Variants in PGBD5 observed in about 807,000 individuals in gnomAD.
The protein encoded by PGBD5 is piggyBac transposable element derived 5.
Under a neutral mutation model 47.9 loss-of-function variants are expected in PGBD5, and 14 were observed. The observed-to-expected ratio is 0.29, with a 90% CI of 0.19 to 0.46. The LOEUF (loss-of-function observed/expected upper bound fraction) is 0.46, where lower values mean the gene tolerates loss of function less well. PGBD5 is among the 20% of genes least tolerant of loss of function. The pLI, the probability that PGBD5 is intolerant of heterozygous loss-of-function variation, is 1.00. For synonymous variants in PGBD5, 316 were observed against 306.3 expected, an observed-to-expected ratio of 1.03 and a Z score of -0.33; for missense variants, 635 against 716.0, an observed-to-expected ratio of 0.89 and a Z score of 1.29.
At chr1:230,359,499 T>TATG (rs1357832228) in intron 1 of PGBD5, among the ~76,000 whole-genome samples, 2 of 152,230 alleles carry the variant, frequency 1.3e-5, no homozygotes, top group Non-Finnish European at 2.9e-5. Flanking sequence ...AGATAATGTG[T>TATG]ATGAGACAGC....
chr1:230,346,900 T>G (rs1181819258), intron 3 of PGBD5, among the ~76,000 whole-genome samples: 1 of 152,132 alleles, frequency 6.6e-6, no homozygotes, highest in Non-Finnish European at 1.5e-5. Context: ...GGGCCAAGCA[T>G]GAAGCTCACT....
At chr1:230,370,865 C>A (rs1489114437) in intron 1 of PGBD5, among the ~76,000 whole-genome samples, 2 of 152,184 alleles carry the variant, frequency 1.3e-5, no homozygotes, top group African/African-American at 4.8e-5. Context: ...CGAAGCTGCC[C>A]GTCTGTGATC....
At chr1:230,327,869 C>T (rs1667147779) in intron 5 of PGBD5, among the ~76,000 whole-genome samples, 1 of 152,218 alleles carries the variant, frequency 6.6e-6, no homozygotes, top group Non-Finnish European at 1.5e-5. Flanking sequence ...ACACTTGGGG[C>T]CACAGCATGT....
At chr1:230,413,348 C>G (rs570271095) in intron 1 of PGBD5, among the ~76,000 whole-genome samples, 1 of 152,028 alleles carries the variant, frequency 6.6e-6, no homozygotes, top group East Asian at 1.9e-4. Flanking sequence ...GAATTTCGAG[C>G]AAAAAATTAG....
At chr1:230,397,999 G>C (rs1657041878) in intron 1 of PGBD5, among the ~76,000 whole-genome samples, 1 of 152,150 alleles carries the variant, frequency 6.6e-6, no homozygotes, top group South Asian at 2.1e-4. Context: ...AGATCTGCAA[G>C]GCCAGATTTA....
chr1:230,416,834 G>A (rs1343483009), intron 1 of PGBD5, among the ~76,000 whole-genome samples: 1 of 152,216 alleles, frequency 6.6e-6, no homozygotes, highest in Admixed American at 6.5e-5. Context: ...ACTTGTGTTT[G>A]TAAAACATCA....
intron 1 of PGBD5, among the ~76,000 whole-genome samples, chr1:230,422,674 C>G (rs1357271527): frequency 6.6e-6 from 1 of 152,150 alleles, no homozygotes; most frequent in Non-Finnish European, 1.5e-5. Context: ...CAAGGGCCCT[C>G]TCCACCCATA....
intron 1 of PGBD5, among the ~76,000 whole-genome samples, chr1:230,384,650 A>G (rs1656592142): frequency 6.6e-6 from 1 of 152,210 alleles, no homozygotes; most frequent in South Asian, 2.1e-4. Context: ...GAACCCATTC[A>G]AGGCCACACA....
intron 1 of PGBD5, chr1:230,368,134 T>C: frequency 2.2e-6 from 3 of 1,367,790 alleles, no homozygotes; most frequent in Non-Finnish European, 2.9e-6. Context: ...ATGGTGGTGG[T>C]GAGGAGGAGG....
At chr1:230,400,719 T>A (rs1657117303) in intron 1 of PGBD5, among the ~76,000 whole-genome samples, 1 of 152,158 alleles carries the variant, frequency 6.6e-6, no homozygotes, top group Admixed American at 6.5e-5. Context: ...GTGGCACATG[T>A]CAGCAGTCCC....
chr1:230,419,776 C>T (rs1160263060), intron 1 of PGBD5, among the ~76,000 whole-genome samples: 1 of 152,122 alleles, frequency 6.6e-6, no homozygotes, highest in African/African-American at 2.4e-5. Flanking sequence ...AAAATCCTTA[C>T]CTCAATATTG....
chr1:230,353,704 G>A (rs1364013158), intron 2 of PGBD5, among the ~76,000 whole-genome samples: 2 of 152,194 alleles, frequency 1.3e-5, no homozygotes, highest in African/African-American at 4.8e-5. Context: ...GCAATGGGAA[G>A]AGAACTGTTC....
chr1:230,379,605 C>A (rs529738623), intron 1 of PGBD5, among the ~76,000 whole-genome samples: 2 of 152,356 alleles, frequency 1.3e-5, no homozygotes, highest in African/African-American at 4.8e-5. Flanking sequence ...GCCCTTCAGG[C>A]CTCCTTGCTC....
At chr1:230,363,412 T>A (rs1184593135) in intron 1 of PGBD5, among the ~76,000 whole-genome samples, 1 of 152,152 alleles carries the variant, frequency 6.6e-6, no homozygotes, top group Non-Finnish European at 1.5e-5. Flanking sequence ...TGAAATCCCG[T>A]CTCTACTAAA....
intron 1 of PGBD5, among the ~76,000 whole-genome samples, chr1:230,394,767 C>A (rs1286678109): frequency 7.7e-6 from 1 of 130,176 alleles, no homozygotes; most frequent in Non-Finnish European, 1.7e-5. Context: ...CACGCTCCTC[C>A]CAATCCCCAA....
At chr1:230,386,502 C>T (rs1172950782) in intron 1 of PGBD5, among the ~76,000 whole-genome samples, 1 of 152,132 alleles carries the variant, frequency 6.6e-6, no homozygotes, top group Non-Finnish European at 1.5e-5. Context: ...ATGGAAGTTG[C>T]CAAATTTCAC....
chr1:230,357,369 C>G lies in PGBD5; in HGVS notation c.332-48G>C. ...GTGTTCCTTAGGACGGCCGCCACACCCTGACTCGACACGAGAACGGCTGCA... is the reference window on the plus strand; with the variant it reads ...GTGTTCCTTAGGACGGCCGCCACACGCTGACTCGACACGAGAACGGCTGCA... On this transcript the variant is annotated intron_variant, in intron 1 of 6. Transcript: ENST00000391860. This position sits in a 1 kb window ranked among gnomAD's most constrained non-coding sequence, Gnocchi z 5.7. The G allele has an allele frequency of 6.4e-7, 1 of 1,574,350 alleles. No homozygotes were observed. The highest frequency in any genetic ancestry group is 8.7e-7 in the Non-Finnish European group (1 of 1,154,298).
intron 1 of PGBD5, among the ~76,000 whole-genome samples, chr1:230,370,557 G>A (rs1667913734): frequency 6.6e-6 from 1 of 152,248 alleles, no homozygotes; most frequent in African/African-American, 2.4e-5. Flanking sequence ...ACAAATCTAT[G>A]AGATCTGCAC....
intron 6 of PGBD5, among the ~76,000 whole-genome samples, 183 bp downstream of exon 6, chr1:230,325,127 A>G (rs1360791579): frequency 6.6e-6 from 1 of 152,184 alleles, no homozygotes; most frequent in Non-Finnish European, 1.5e-5. Flanking sequence ...GAGGACTTCT[A>G]GGTAAAGCCA....
Sources: gnomAD v4.1 joint callset for allele counts (sites outside exome capture counted in the v4.1 genomes callset) on GRCh38, gnomAD v4.1.1 for gene constraint, Gnocchi (gnomAD v3.1) non-coding constraint, MANE v1.5 for transcripts, NCBI Gene and HGNC (gene_info 2026-07-23, HGNC 2026-07-21) for gene names.